The following KCNK9 variants were observed in gnomAD, a reference collection of about 807,000 sequenced individuals.
KCNK9 encodes the protein potassium two pore domain channel subfamily K member 9.
KCNK9 carries 1 observed loss-of-function variant against 10.8 expected under a neutral mutation model. That is an observed-to-expected ratio of 0.09 (90% CI 0.03 to 0.44). KCNK9 has a LOEUF of 0.44. Among genes scored for constraint, KCNK9 ranks in the 20% least tolerant of loss-of-function variants. The pLI is 0.97. For synonymous variants in KCNK9, 231 were observed against 222.7 expected, an observed-to-expected ratio of 1.04 and a Z score of -0.33; for missense variants, 303 against 515.0, an observed-to-expected ratio of 0.59 and a Z score of 3.98.
chr8:139,700,822 G>C (rs1817201474), intron 1 of KCNK9, among the ~76,000 whole-genome samples: 2 of 152,132 alleles, frequency 1.3e-5, no homozygotes, highest in Non-Finnish European at 2.9e-5. Flanking sequence ...AACTTCATCA[G>C]TCTCCACAAT....
intron 1 of KCNK9, among the ~76,000 whole-genome samples, chr8:139,701,744 C>A (rs1472581066): frequency 2.0e-5 from 3 of 152,134 alleles, no homozygotes; most frequent in African/African-American, 7.2e-5. Flanking sequence ...CACGTCCACC[C>A]GAATGAAGGT....
chr8:139,632,609 A>G (rs939574322), intron 1 of KCNK9, among the ~76,000 whole-genome samples: 3 of 152,118 alleles, frequency 2.0e-5, no homozygotes, highest in Non-Finnish European at 4.4e-5. Context: ...AACCTGCCGT[A>G]TGATTTTCTC....
rs537133573 is a variant in KCNK9 at position 139,640,056 on chromosome 8, C to G, written c.284-20957G>C. Among the ~76,000 whole-genome samples the G allele has an allele frequency of 7.9e-5, 12 of 152,272 alleles. No homozygotes were observed. The East Asian group carries it at 2.3e-3, about 29-fold the overall frequency. On this transcript the variant is annotated intron_variant, in intron 1 of 1. Transcript: ENST00000520439. ...AGCCCTGGCGAGCCAATACCTGCTT[C>G]ATACCACACCCAACCCTGGCTCATC...
chr8:139,619,155 T>G, intron 1 of KCNK9, 56 bp from the exon 2 acceptor site: 5 of 1,601,056 alleles, frequency 3.1e-6, no homozygotes, highest in Non-Finnish European at 4.3e-6. Flanking sequence ...GTCTAGAGGT[T>G]GGGGGAAGGG....
chr8:139,645,008 G>A (rs951027726), intron 1 of KCNK9, among the ~76,000 whole-genome samples: 19 of 152,342 alleles, frequency 1.2e-4, no homozygotes, highest in South Asian at 4.1e-4. Context: ...GGTGCGAGGC[G>A]GCTGCAGAAG....
At chr8:139,680,793 C>T (rs1816670809) in intron 1 of KCNK9, among the ~76,000 whole-genome samples, 2 of 152,174 alleles carry the variant, frequency 1.3e-5, no homozygotes, top group Admixed American at 6.5e-5. Flanking sequence ...GGATGGAACC[C>T]AGGCGGTCGC....
At chr8:139,668,345 A>T (rs1390280734) in intron 1 of KCNK9, among the ~76,000 whole-genome samples, 2 of 152,200 alleles carry the variant, frequency 1.3e-5, no homozygotes, top group Non-Finnish European at 2.9e-5. Flanking sequence ...AATTAAAAAA[A>T]ATTAAGGTAT....
chr8:139,697,217 G>A (rs903133263), intron 1 of KCNK9, among the ~76,000 whole-genome samples: 4 of 149,846 alleles, frequency 2.7e-5, no homozygotes, highest in Non-Finnish European at 4.4e-5. Context: ...GTAGATGGGT[G>A]TATGGATGGG....
At chr8:139,688,854 C>T (rs1407877765) in intron 1 of KCNK9, among the ~76,000 whole-genome samples, 4 of 152,204 alleles carry the variant, frequency 2.6e-5, no homozygotes, top group Admixed American at 2.6e-4. Context: ...GTGCTTTCAT[C>T]TCCCTGATCT....
At chr8:139,665,425 T>C (rs1317598922) in intron 1 of KCNK9, among the ~76,000 whole-genome samples, 10 of 152,192 alleles carry the variant, frequency 6.6e-5, no homozygotes, top group Admixed American at 6.5e-4. Context: ...CCCACCTGGA[T>C]TGATCCAGGA....
chr8:139,634,443 C>T (rs1290433069), intron 1 of KCNK9, among the ~76,000 whole-genome samples: 2 of 152,198 alleles, frequency 1.3e-5, no homozygotes, highest in African/African-American at 4.8e-5. Flanking sequence ...CTGGAGCCCC[C>T]ACTGCCCTCA....
At chr8:139,603,039 C>T (rs753257311) in intron 2 of KCNK9, among the ~76,000 whole-genome samples, 19 of 152,196 alleles carry the variant, frequency 1.2e-4, no homozygotes, top group Non-Finnish European at 2.5e-4. Flanking sequence ...CTGTGATGTG[C>T]TCCTACGGTT....
At chr8:139,645,096 CAA>C (rs1815634344) in intron 1 of KCNK9, among the ~76,000 whole-genome samples, 1 of 152,168 alleles carries the variant, frequency 6.6e-6, no homozygotes, top group Non-Finnish European at 1.5e-5. Flanking sequence ...CCAGAATTAA[CAA>C]AGAGAGTGCA....
chr8:139,672,806 T>C (rs1816463385), intron 1 of KCNK9, among the ~76,000 whole-genome samples: 1 of 152,132 alleles, frequency 6.6e-6, no homozygotes, highest in South Asian at 2.1e-4. Context: ...ACTTACATCC[T>C]AGGGTGTGCG....
downstream of KCNK9, among the ~76,000 whole-genome samples, chr8:139,607,683 G>T (rs1253212842): frequency 1.3e-5 from 2 of 152,202 alleles, no homozygotes; most frequent in African/African-American, 2.4e-5. Flanking sequence ...GGAGTCTACA[G>T]AACTAATCTA....
intron 1 of KCNK9, among the ~76,000 whole-genome samples, chr8:139,635,958 T>C (rs1391524709): frequency 6.6e-6 from 1 of 152,190 alleles, no homozygotes; most frequent in East Asian, 1.9e-4. Flanking sequence ...CTCATAAGCT[T>C]CAAGTAGATG....
At chr8:139,663,651 G>GCGCA (rs1262902460) in intron 1 of KCNK9, among the ~76,000 whole-genome samples, 22 of 142,260 alleles carry the variant, frequency 1.5e-4, no homozygotes, top group African/African-American at 6.1e-4. Context: ...GTGCGCACGT[G>GCGCA]TGTGTGTGTG....
rs763076662 is a variant in KCNK9 at position 139,618,729 on chromosome 8, C to G, written c.654G>C (p.Pro218=). The change falls in exon 2 of 2, where the codon CCG becomes CCC. Residue 218 remains proline, a synonymous_variant. Coordinates refer to ENST00000520439, the MANE Select transcript of KCNK9 (RefSeq NM_001282534.2). The surrounding 1 kb of genome is among the most constrained non-coding windows in gnomAD (Gnocchi z 7.9). ...ACATAAAGCTAAAGGCCACGTAGAG[C>G]GGCTTCTTCTGCAGGGCACCCTTGG... ...LQTKGALQKK[P]LYVAFSFMYI... The G allele has an allele frequency of 6.2e-7, 1 of 1,614,218 alleles. No homozygotes were observed. The highest frequency in any genetic ancestry group is 1.7e-5 in the Admixed American group (1 of 60,036).
At chr8:139,613,283 C>CT (rs772154245), downstream of KCNK9, among the ~76,000 whole-genome samples, 21 of 152,166 alleles carry the variant, frequency 1.4e-4, 2 homozygotes, top group Admixed American at 1.1e-3. Context: ...TTGGACCATT[C>CT]TTTGTAATTC....
Sources: gnomAD v4.1 joint callset for allele counts (sites outside exome capture counted in the v4.1 genomes callset) on GRCh38, gnomAD v4.1.1 for gene constraint, Gnocchi (gnomAD v3.1) non-coding constraint, MANE v1.5 for transcripts, NCBI Gene and HGNC (gene_info 2026-07-23, HGNC 2026-07-21) for gene names.